DST: variants seen among roughly 807,000 people sequenced by gnomAD.
DST encodes dystonin, also known as bullous pemphigoid antigen.
Under a neutral mutation model 875.2 loss-of-function variants are expected in DST, and 253 were observed. The ratio of observed to expected loss-of-function variants is 0.29; its 90% CI spans 0.26 to 0.32. DST has a LOEUF of 0.32. Ranked by LOEUF, DST falls within the 10% of genes least tolerant of loss-of-function variation. The pLI, the probability that DST is intolerant of heterozygous loss-of-function variation, is 1.00. For synonymous variants in DST, 3,124 were observed against 3,197.1 expected (o/e 0.98, Z 0.77); for missense variants, 8,287 against 9,111.6 (o/e 0.91, Z 3.68).
intron 3 of DST, among the ~76,000 whole-genome samples, chr6:56,892,796 T>C (rs1027971761): frequency 4.6e-5 from 7 of 152,178 alleles, no homozygotes; most frequent in African/African-American, 1.2e-4. Context: ...ACTCAGTCAA[T>C]AGTATTCACT....
At chr6:56,539,817 T>C (rs1355116612) in intron 61 of DST, among the ~76,000 whole-genome samples, 1 of 152,188 alleles carries the variant, frequency 6.6e-6, no homozygotes, top group Non-Finnish European at 1.5e-5. Flanking sequence ...TTTTTCAACC[T>C]ATTAAAAAAA....
intron 4 of DST, among the ~76,000 whole-genome samples, chr6:56,764,783 C>A (rs928047468): frequency 1.3e-5 from 2 of 152,088 alleles, no homozygotes; most frequent in African/African-American, 4.8e-5. Flanking sequence ...CATGGTGAAA[C>A]ACCATCTCTA....
At chr6:56,715,182 A>G (rs145676991) in intron 5 of DST, among the ~76,000 whole-genome samples, 151 of 152,338 alleles carry the variant, frequency 9.9e-4, no homozygotes, top group African/African-American at 3.5e-3. Context: ...ACAGAAACTC[A>G]GGAAATGGAT....
intron 4 of DST, among the ~76,000 whole-genome samples, chr6:56,772,804 CCT>C (rs2099669886): frequency 6.6e-6 from 1 of 152,136 alleles, no homozygotes; most frequent in African/African-American, 2.4e-5. Context: ...GTAATCCCCA[CCT>C]CTGTTATGCA....
intron 3 of DST, among the ~76,000 whole-genome samples, chr6:56,870,706 T>G (rs978976874): frequency 3.3e-5 from 5 of 151,970 alleles, no homozygotes; most frequent in African/African-American, 1.2e-4. Context: ...GAGGTTGCAG[T>G]GAGCCGAGAT....
intron 3 of DST, among the ~76,000 whole-genome samples, chr6:56,900,186 T>C (rs1346358691): frequency 3.3e-5 from 5 of 152,138 alleles, no homozygotes; most frequent in African/African-American, 1.2e-4. Context: ...CCAGCTTTCA[T>C]ATCAGCTGCC....
At position 56,546,627 on chromosome 6, in the gene DST, C is replaced by T. The variant is rs574239503; in HGVS notation, c.16608+5557G>A. 7.8e-4 allele frequency among the ~76,000 whole-genome samples: 119 copies of T among 151,930 alleles called. 6 individuals carry two copies. In the South Asian group the frequency reaches 0.024, roughly 30 times the overall value. ...TGTTGTATCCAGTTCTTGAGCAGCTCCAGACACTTTTCACTTAAAATCGTA... is the reference window on the plus strand; with the variant it reads ...TGTTGTATCCAGTTCTTGAGCAGCTTCAGACACTTTTCACTTAAAATCGTA... On this transcript the variant is annotated intron_variant, in intron 61 of 103. Coordinates refer to ENST00000680361, the MANE Select transcript of DST (RefSeq NM_001374736.1).
Position 56,679,904 on chromosome 6 carries a change from T to G in DST, c.1048-9097A>C, listed in dbSNP as rs146751935. On this transcript the variant is annotated intron_variant, in intron 9 of 103. Coordinates refer to ENST00000680361, the MANE Select transcript of DST (RefSeq NM_001374736.1). ...AGCTACATAAGTAAGAACCCCCTTC[T>G]GTCCTGCTACCCACAAACTTTGCTC... Among the ~76,000 whole-genome samples, 541 of 152,346 alleles carry G rather than the reference T, an allele frequency of 3.6e-3. 11 individuals are homozygous for G. Among genetic ancestry groups the G allele is most frequent in the Admixed American group, 0.028 (434 of 15,298 alleles).
In DST at chr6:56,670,227, AT is replaced by A. The variant is rs943636004; in HGVS notation, c.1214+413del. Among the ~76,000 whole-genome samples the A allele has an allele frequency of 3.9e-4, 57 of 147,130 alleles. No homozygotes were observed. In the Middle Eastern group the frequency reaches 0.014, roughly 36 times the overall value. On this transcript the variant is annotated intron_variant, in intron 10 of 103. Transcript: ENST00000680361. ...TAAGTAGTGGAAATGTGATTTTTAAATTTTTTTTTTTATTTTCTTAAGCCAG... is the reference window on the plus strand; with the variant it reads ...TAAGTAGTGGAAATGTGATTTTTAAATTTTTTTTTTATTTTCTTAAGCCAG...
chr6:56,937,425 T>C (rs1027456261), intron 2 of DST, among the ~76,000 whole-genome samples: 2 of 152,196 alleles, frequency 1.3e-5, no homozygotes, highest in Admixed American at 6.5e-5. Context: ...CTCAACATCA[T>C]TAGTCTTTAG....
intron 7 of DST, among the ~76,000 whole-genome samples, chr6:56,703,013 T>C (rs2099316841): frequency 2.0e-5 from 3 of 152,174 alleles, no homozygotes; most frequent in South Asian, 4.1e-4. Flanking sequence ...ACTAGGTATG[T>C]AGAAGACAAA....
chr6:56,602,582 T>C (rs1320783235), intron 43 of DST, among the ~76,000 whole-genome samples: 2 of 152,016 alleles, frequency 1.3e-5, no homozygotes, highest in Non-Finnish European at 2.9e-5. Flanking sequence ...ATGATTTTTA[T>C]ATGGCTAATT....
intron 7 of DST, among the ~76,000 whole-genome samples, chr6:56,703,415 G>A (rs942067583): frequency 6.6e-6 from 1 of 152,084 alleles, no homozygotes; most frequent in African/African-American, 2.4e-5. Flanking sequence ...TTACCATGCA[G>A]TGCACAGTAA....
chr6:56,518,137 C>T (rs955503014), intron 69 of DST, among the ~76,000 whole-genome samples: 1 of 152,052 alleles, frequency 6.6e-6, no homozygotes, highest in African/African-American at 2.4e-5. Context: ...GAGTATACCC[C>T]TAAATGATTC....
intron 4 of DST, among the ~76,000 whole-genome samples, chr6:56,758,231 A>C (rs2099608954): frequency 6.6e-6 from 1 of 152,234 alleles, no homozygotes; most frequent in South Asian, 2.1e-4. Flanking sequence ...GCTATGTTCC[A>C]GTTCAGCTGT....
At chr6:56,681,374 A>G (rs901538065) in intron 9 of DST, among the ~76,000 whole-genome samples, 2 of 152,064 alleles carry the variant, frequency 1.3e-5, no homozygotes, top group African/African-American at 2.4e-5. Context: ...AACTACTTCT[A>G]CTTCCTCAAT....
At chr6:56,509,243 G>A (rs951310088) in intron 74 of DST, among the ~76,000 whole-genome samples, 2 of 152,128 alleles carry the variant, frequency 1.3e-5, no homozygotes, top group Non-Finnish European at 2.9e-5. Context: ...AAAGATGGCT[G>A]GCTGTGGTAG....
intron 4 of DST, among the ~76,000 whole-genome samples, chr6:56,836,422 G>A (rs2099793598): frequency 6.6e-6 from 1 of 152,090 alleles, no homozygotes; most frequent in Admixed American, 6.5e-5. Flanking sequence ...TTACTGTTTT[G>A]CAATTTTAAA....
intron 4 of DST, among the ~76,000 whole-genome samples, chr6:56,783,210 G>T (rs2099697884): frequency 1.3e-5 from 2 of 152,166 alleles, no homozygotes; most frequent in Admixed American, 1.3e-4. Context: ...GTTGATTTGG[G>T]GTGGAGAGTT....
Sources: gnomAD v4.1 joint callset for allele counts (sites outside exome capture counted in the v4.1 genomes callset) on GRCh38, gnomAD v4.1.1 for gene constraint, MANE v1.5 for transcripts, NCBI Gene and HGNC (gene_info 2026-07-23, HGNC 2026-07-21) for gene names.